MAGI3: variants seen among roughly 807,000 people sequenced by gnomAD.
MAGI3 encodes membrane-associated guanylate kinase, WW and PDZ domain-containing protein 3.
In MAGI3, 43 loss-of-function variants were observed where a neutral mutation model predicts 121.8. The observed-to-expected ratio is 0.35, with a 90% CI of 0.28 to 0.46. MAGI3 has a LOEUF of 0.46. MAGI3 is among the 20% of genes least tolerant of loss of function. MAGI3 has a pLI of 1.00. For synonymous variants in MAGI3, 553 were observed against 639.3 expected (o/e 0.86, Z 2.04); for missense variants, 1,547 against 1,797.3 (o/e 0.86, Z 2.52).
At chr1:113,400,951 T>C (rs946102890) in intron 1 of MAGI3, among the ~76,000 whole-genome samples, 2 of 152,286 alleles carry the variant, frequency 1.3e-5, no homozygotes, top group East Asian at 1.9e-4. Flanking sequence ...TGAGGACTTA[T>C]CACAACATAT....
At chr1:113,403,919 G>C (rs1439687210) in intron 1 of MAGI3, 1 of 151,530 alleles carries the variant, frequency 6.6e-6, no homozygotes, top group Non-Finnish European at 1.5e-5. Flanking sequence ...TCCTTTCCCA[G>C]GCACTCATCT....
intron 3 of MAGI3, among the ~76,000 whole-genome samples, 200 bp from the exon 4 acceptor site, chr1:113,585,187 G>A (rs1648286982): frequency 6.6e-6 from 1 of 151,732 alleles, no homozygotes; most frequent in Non-Finnish European, 1.5e-5. Context: ...AAGCTGATCT[G>A]AAACTCCTGA....
chr1:113,602,446 C>G (rs12076015), intron 6 of MAGI3, among the ~76,000 whole-genome samples: 1 of 152,012 alleles, frequency 6.6e-6, no homozygotes, highest in South Asian at 2.1e-4. Flanking sequence ...TTATCAAAAC[C>G]TGAGATACAG....
intron 1 of MAGI3, among the ~76,000 whole-genome samples, chr1:113,456,308 C>A (rs913237110): frequency 6.6e-6 from 1 of 152,040 alleles, no homozygotes; most frequent in African/African-American, 2.4e-5. Context: ...CATCCTCTCT[C>A]TCTCTCCCTC....
intron 1 of MAGI3, among the ~76,000 whole-genome samples, chr1:113,509,975 C>T (rs931267115): frequency 3.9e-5 from 6 of 151,952 alleles, no homozygotes; most frequent in South Asian, 2.1e-4. Flanking sequence ...TCAGAGCATC[C>T]GTCTCATCGG....
At chr1:113,589,812 A>T (rs1648586876) in intron 4 of MAGI3, among the ~76,000 whole-genome samples, 1 of 152,140 alleles carries the variant, frequency 6.6e-6, no homozygotes, top group Non-Finnish European at 1.5e-5. Flanking sequence ...CCCAAATTTT[A>T]GTATTCTTAC....
chr1:113,474,447 G>A (rs1655703577), intron 1 of MAGI3, among the ~76,000 whole-genome samples: 1 of 152,198 alleles, frequency 6.6e-6, no homozygotes. Flanking sequence ...TGTATAAGGT[G>A]TAAGGAAGGG....
Position 113,658,957 on chromosome 1 carries a change from T to C in MAGI3, c.2630-123T>C. ...GATGCGATGATGACGTGTGGTACTT[T>C]TCTGTTATGTTTTTAAATAATTTTC... On this transcript the variant is annotated intron_variant, in intron 15 of 20. Coordinates refer to ENST00000307546, the MANE Select transcript of MAGI3 (RefSeq NM_001142782.2). The surrounding 1 kb of genome is among the most constrained non-coding windows in gnomAD (Gnocchi z 4.0). 1.2e-6 allele frequency: 1 copy of C among 844,590 alleles called. No homozygotes were observed. The highest frequency in any genetic ancestry group is 1.9e-6 in the Non-Finnish European group (1 of 537,490). The allele number at this position is 844,590 out of a possible 1,614,324, so 52.3% of individuals were successfully genotyped here. A position where few individuals can be genotyped will look rare whatever the true frequency, so the allele number is the denominator to read the frequency against.
intron 9 of MAGI3, among the ~76,000 whole-genome samples, chr1:113,639,075 A>G (rs896619492): frequency 7.2e-5 from 11 of 152,214 alleles, no homozygotes; most frequent in Non-Finnish European, 1.5e-5. Flanking sequence ...CCGTTTTTTA[A>G]GCCCATCAGA....
intron 1 of MAGI3, among the ~76,000 whole-genome samples, chr1:113,428,669 A>T (rs886446381): frequency 1.1e-4 from 17 of 152,230 alleles, no homozygotes; most frequent in Non-Finnish European, 4.4e-5. Context: ...ACATGTAATC[A>T]ATAGGAAATT....
chr1:113,530,496 C>T (rs1215626864), intron 1 of MAGI3, among the ~76,000 whole-genome samples: 1 of 151,862 alleles, frequency 6.6e-6, no homozygotes, highest in Non-Finnish European at 1.5e-5. Context: ...ACCTGTTGGG[C>T]ACTATGCTTA....
intron 1 of MAGI3, among the ~76,000 whole-genome samples, chr1:113,481,786 A>G (rs1410042974): frequency 6.6e-6 from 1 of 152,174 alleles, no homozygotes; most frequent in African/African-American, 2.4e-5. Context: ...CAGTGACTTG[A>G]ACAACACAAA....
At chr1:113,594,883 C>T (rs1371103232) in intron 6 of MAGI3, among the ~76,000 whole-genome samples, 1 of 152,096 alleles carries the variant, frequency 6.6e-6, no homozygotes, top group Non-Finnish European at 1.5e-5. Flanking sequence ...TAGGCACATC[C>T]TCAACCATAA....
rs1014545426 is a variant in MAGI3, at chr1:113,456,041, C to T, written c.316+64692C>T. ...TCTCGGCTCATTGCAAGCTCTGCCT[C>T]CCGGGTTCACGCCATTCTCCTGCCT... On this transcript the variant is annotated intron_variant, in intron 1 of 20. Transcript: ENST00000307546. Among the ~76,000 whole-genome samples, 216 of 151,722 alleles carry T rather than the reference C, an allele frequency of 1.4e-3. 1 individual carries two copies. The highest frequency in any genetic ancestry group is 2.4e-3 in the Non-Finnish European group (163 of 67,940).
Position 113,642,083 on chromosome 1 carries a change from C to A in MAGI3, c.1533C>A (p.Thr511=). 1 of 1,614,050 alleles carries A rather than the reference C, an allele frequency of 6.2e-7. No homozygotes were observed. Among genetic ancestry groups the A allele is most frequent in the Non-Finnish European group, 8.5e-7 (1 of 1,180,002 alleles). ...CTGTTGTGGACATTGTTGCTGCTAC[C>A]CCTGTCATCAATGGACAGTCATTAA... The part of the protein sequence containing the change: ...EDPVVDIVAA[T]PVINGQSLTK... Residue 511 remains threonine (T), a synonymous_variant, in exon 10 of 21, where the codon ACC becomes ACA. Transcript: ENST00000307546.
chr1:113,657,473 G>A (rs1422492546), intron 15 of MAGI3, among the ~76,000 whole-genome samples: 1 of 152,188 alleles, frequency 6.6e-6, no homozygotes, highest in Non-Finnish European at 1.5e-5. Context: ...CGCAGACTGA[G>A]AAAGGGGACC....
At chr1:113,614,845 T>G (rs2101775739) in intron 7 of MAGI3, among the ~76,000 whole-genome samples, 187 bp downstream of exon 7, 1 of 152,256 alleles carries the variant, frequency 6.6e-6, no homozygotes, top group Admixed American at 6.5e-5. Flanking sequence ...AAGTTGGCTT[T>G]GAATTTCTAA....
intron 2 of MAGI3, among the ~76,000 whole-genome samples, chr1:113,575,483 C>T (rs1029350824): frequency 6.6e-6 from 1 of 152,170 alleles, no homozygotes; most frequent in Non-Finnish European, 1.5e-5. Context: ...GCTAGAGGTC[C>T]ACTCCAGACC....
intron 2 of MAGI3, among the ~76,000 whole-genome samples, chr1:113,578,195 G>T (rs1647777025): frequency 6.6e-6 from 1 of 152,068 alleles, no homozygotes; most frequent in Admixed American, 6.5e-5. Flanking sequence ...TTGCATGGTA[G>T]CAGGAGCATT....
Sources: gnomAD v4.1 joint callset for allele counts (sites outside exome capture counted in the v4.1 genomes callset) on GRCh38, gnomAD v4.1.1 for gene constraint, Gnocchi (gnomAD v3.1) non-coding constraint, MANE v1.5 for transcripts, NCBI Gene and HGNC (gene_info 2026-07-23, HGNC 2026-07-21) for gene names.